Variants in WHRN observed in about 807,000 individuals in gnomAD.
WHRN encodes CASK-interacting protein CIP98.
A neutral mutation model predicts 68.3 loss-of-function variants in WHRN; 41 were observed. The ratio of observed to expected loss-of-function variants is 0.60; its 90% CI spans 0.47 to 0.78. The LOEUF is 0.78. Ranked by LOEUF, WHRN falls within the 30% of genes least tolerant of loss-of-function variation. WHRN has a pLI of 0.00. For synonymous variants in WHRN, 560 were observed against 561.3 expected (o/e 1.00, Z 0.03); for missense variants, 1,243 against 1,244.7 (o/e 1.00, Z 0.02).
At chr9:114,451,704 A>C (rs1390579537) in intron 3 of WHRN, among the ~76,000 whole-genome samples, 1 of 151,988 alleles carries the variant, frequency 6.6e-6, no homozygotes, top group Non-Finnish European at 1.5e-5. Flanking sequence ...CTTCACAAAG[A>C]GAGGACCCAT....
Position 114,423,367 on chromosome 9 carries a change from T to C in WHRN, c.1573A>G (p.Thr525Ala), listed in dbSNP as rs1836492545. 3 of 1,613,904 alleles carry C rather than the reference T, an allele frequency of 1.9e-6. No individual in the cohort carries two copies. The highest frequency in any genetic ancestry group is 2.5e-6 in the Non-Finnish European group (3 of 1,179,962). Residue 525 changes from threonine (T) to alanine (A), a missense_variant, in exon 7 of 12, where the codon ACG becomes GCG. By Grantham distance (58) the Thr-to-Ala change is moderately conservative (BLOSUM62 0). Coordinates refer to ENST00000362057, the MANE Select transcript of WHRN (RefSeq NM_015404.4). Reference sequence around the variant, plus strand: ...CCGTGGCTGCCTGTGGATGAACCCGTGTCACTGTAGGAGACCATGGAGTAG... The same window carrying C: ...CCGTGGCTGCCTGTGGATGAACCCGCGTCACTGTAGGAGACCATGGAGTAG... ...DTYSMVSYSDTGSSTGSHGTS... is the reference protein window; with the variant it reads ...DTYSMVSYSDAGSSTGSHGTS...
rs553155882 is a variant in WHRN, at chr9:114,444,731, CT to C, written c.964-18319del. On this transcript the variant is annotated intron_variant, in intron 3 of 11. Coordinates refer to ENST00000362057, the MANE Select transcript of WHRN (RefSeq NM_015404.4). ...TTACATAACCATACTCTGTAACTTGCTTTTTTTCACTTAATATTTTGCAAAG... is the reference window on the plus strand; with the variant it reads ...TTACATAACCATACTCTGTAACTTGCTTTTTTCACTTAATATTTTGCAAAG... Among the ~76,000 whole-genome samples the C allele has an allele frequency of 4.0e-5, 6 of 151,722 alleles. No individual in the cohort carries two copies. The East Asian group carries it at 1.2e-3, about 29-fold the overall frequency.
At chr9:114,503,321 A>C in intron 1 of WHRN, 1 of 504,432 alleles carries the variant, frequency 2.0e-6, no homozygotes, top group Non-Finnish European at 2.6e-6. Flanking sequence ...CACTTCTTGT[A>C]CGCAAAGGAG....
At chr9:114,446,859 T>C (rs1838863043) in intron 3 of WHRN, among the ~76,000 whole-genome samples, 1 of 152,086 alleles carries the variant, frequency 6.6e-6, no homozygotes, top group South Asian at 2.1e-4. Flanking sequence ...CCAGGAGCTC[T>C]TGGAAAAGCT....
intron 3 of WHRN, among the ~76,000 whole-genome samples, chr9:114,463,375 A>G (rs1840402834): frequency 6.6e-6 from 1 of 152,122 alleles, no homozygotes; most frequent in South Asian, 2.1e-4. Context: ...TCCTCCACCT[A>G]TTCAAAATCT....
At chr9:114,420,259 G>A (rs1836164512) in intron 7 of WHRN, among the ~76,000 whole-genome samples, 1 of 152,152 alleles carries the variant, frequency 6.6e-6, no homozygotes, top group African/African-American at 2.4e-5. Flanking sequence ...GGAGAGAGGG[G>A]AGGGAAAGAC....
chr9:114,407,987 G>A lies in WHRN; in HGVS notation c.1658C>T (p.Ala553Val). The A allele has an allele frequency of 1.2e-6, 2 of 1,604,728 alleles. No homozygotes were observed. The highest frequency in any genetic ancestry group is 2.2e-5 in the East Asian group (1 of 44,624). The change falls in exon 8 of 12, where the codon GCT (alanine) becomes GTT (valine). Residue 553 changes from alanine to valine, a missense_variant. Physicochemically the swap from Ala to Val is moderately conservative, Grantham distance 64. Coordinates refer to ENST00000362057, the MANE Select transcript of WHRN (RefSeq NM_015404.4). ...NTLDLEETGE[A>V]VQGNINALPD... ...GAGGGCGTTGATATTGCCCTGGACA[G>A]CCTCGCCAGTTTCCTCCAGGTCCAG... is the stretch of plus-strand genomic sequence containing the variant.
At chr9:114,444,802 A>C (rs1278882553) in intron 3 of WHRN, among the ~76,000 whole-genome samples, 2 of 151,742 alleles carry the variant, frequency 1.3e-5, no homozygotes, top group South Asian at 2.1e-4. Context: ...TATAATATAT[A>C]TATATATGCA....
At chr9:114,432,240 AG>A (rs1287860760) in intron 3 of WHRN, among the ~76,000 whole-genome samples, 1 of 152,168 alleles carries the variant, frequency 6.6e-6, no homozygotes, top group Non-Finnish European at 1.5e-5. Context: ...GGCTTCAATA[AG>A]GGCAGGATAC....
intron 9 of WHRN, among the ~76,000 whole-genome samples, chr9:114,405,165 C>T (rs4979381): frequency 0.42 from 62,011 of 149,242 alleles, 13,834 homozygotes; most frequent in Middle Eastern, 0.53. Flanking sequence ...ACCTCTGCCT[C>T]CTGGGTTCAA....
Position 114,424,983 on chromosome 9 carries a change from C to A in WHRN, c.1203+5G>T. 6.2e-7 allele frequency: 1 copy of A among 1,614,076 alleles called. No homozygotes were observed. The highest frequency in any genetic ancestry group is 8.5e-7 in the Non-Finnish European group (1 of 1,179,922). ...GCAGAGAATACCCCTTAGAGGATGT[C>A]CTACCTTGTTTATTCCTTCTGTTGT... On this transcript the variant is annotated splice_donor_5th_base_variant and intron_variant, in intron 5 of 11. Coordinates refer to ENST00000362057, the MANE Select transcript of WHRN (RefSeq NM_015404.4).
intron 3 of WHRN, among the ~76,000 whole-genome samples, chr9:114,441,784 T>A (rs1031932192): frequency 1.3e-5 from 2 of 152,236 alleles, no homozygotes; most frequent in Non-Finnish European, 2.9e-5. Flanking sequence ...GTGAGTTTTT[T>A]AAAATTTTGC....
chr9:114,453,216 A>G (rs556574299), intron 3 of WHRN, among the ~76,000 whole-genome samples: 2 of 152,346 alleles, frequency 1.3e-5, no homozygotes, highest in African/African-American at 4.8e-5. Context: ...AAAAGGGAGC[A>G]GGTGTGTCAC....
Position 114,504,410 on chromosome 9 carries a change from T to C in WHRN, c.392A>G (p.Asp131Gly), listed in dbSNP as rs2133476236. 1 of 1,605,302 alleles carries C rather than the reference T, an allele frequency of 6.2e-7. No individual in the cohort carries two copies. The highest frequency in any genetic ancestry group is 1.1e-5 in the South Asian group (1 of 91,012). Residue 131 changes from aspartate to glycine, a missense_variant, in exon 1 of 12, where the codon GAC (aspartate) becomes GGC (glycine). By Grantham distance (94) the Asp-to-Gly change is moderately conservative. Coordinates refer to ENST00000362057, the MANE Select transcript of WHRN (RefSeq NM_015404.4). ...GCGCACCTCCCCTGGCCCCGCGCTGTCGGGGCCGCCCCAGGCGGGCTGCCT... is the reference window on the plus strand; with the variant it reads ...GCGCACCTCCCCTGGCCCCGCGCTGCCGGGGCCGCCCCAGGCGGGCTGCCT... ...PYRQPAWGGPDSAGPGEVRLV... is the reference protein window; with the variant it reads ...PYRQPAWGGPGSAGPGEVRLV...
intron 3 of WHRN, among the ~76,000 whole-genome samples, chr9:114,448,450 G>A (rs1011518261): frequency 1.3e-5 from 2 of 152,096 alleles, no homozygotes; most frequent in Non-Finnish European, 2.9e-5. Flanking sequence ...GTGGTCATTT[G>A]GTATAGCAGC....
intron 1 of WHRN, chr9:114,491,772 C>CT: frequency 3.7e-6 from 1 of 271,818 alleles, no homozygotes; most frequent in Non-Finnish European, 7.6e-6. Flanking sequence ...CCCTCCCGCC[C>CT]TTTGCCTGAG....
At chr9:114,465,951 C>T (rs1589198601) in intron 3 of WHRN, among the ~76,000 whole-genome samples, 1 of 152,340 alleles carries the variant, frequency 6.6e-6, no homozygotes, top group African/African-American at 2.4e-5. Context: ...CACCCCCAAC[C>T]CAGCTTATCA....
At chr9:114,469,012 C>T (rs1046362372) in intron 2 of WHRN, among the ~76,000 whole-genome samples, 2 of 152,220 alleles carry the variant, frequency 1.3e-5, no homozygotes, top group Admixed American at 6.5e-5. Flanking sequence ...AGTTGCTTCA[C>T]CTCTCTGTGC....
intron 7 of WHRN, among the ~76,000 whole-genome samples, chr9:114,408,673 C>T (rs993152948): frequency 2.6e-5 from 4 of 152,234 alleles, no homozygotes; most frequent in African/African-American, 9.6e-5. Flanking sequence ...GTTCTCTCGG[C>T]CCTAGAGCCC....
Sources: gnomAD v4.1 joint callset for allele counts (sites outside exome capture counted in the v4.1 genomes callset) on GRCh38, gnomAD v4.1.1 for gene constraint, MANE v1.5 for transcripts, NCBI Gene and HGNC (gene_info 2026-07-23, HGNC 2026-07-21) for gene names.